The following CELF4 variants were observed in gnomAD, a reference collection of about 807,000 sequenced individuals.
The protein encoded by CELF4 is CUGBP Elav-like family member 4.
In CELF4, 18 loss-of-function variants were observed where a neutral mutation model predicts 59.9. That is an observed-to-expected ratio of 0.30 (90% CI 0.21 to 0.45). The LOEUF is 0.45. Ranked by LOEUF, CELF4 falls within the 20% of genes least tolerant of loss-of-function variation. The pLI is 1.00. For missense variants in CELF4, 456 were observed against 689.0 expected (o/e 0.66, Z 3.79); for synonymous variants, 261 against 267.1 (o/e 0.98, Z 0.22).
intron 1 of CELF4, among the ~76,000 whole-genome samples, chr18:37,522,658 GTTGT>G (rs1478713560): frequency 6.6e-6 from 1 of 152,176 alleles, no homozygotes; most frequent in Non-Finnish European, 1.5e-5. Flanking sequence ...TGGGTGCAGG[GTTGT>G]TTGTTTGAGA....
chr18:37,479,367 T>G (rs1300136395), intron 2 of CELF4, among the ~76,000 whole-genome samples: 1 of 152,228 alleles, frequency 6.6e-6, no homozygotes, highest in Non-Finnish European at 1.5e-5. Context: ...ATGGGGTTTC[T>G]CTACCTTGGC....
At chr18:37,463,986 CCACCCG>C (rs1280069600) in intron 2 of CELF4, among the ~76,000 whole-genome samples, 1 of 152,138 alleles carries the variant, frequency 6.6e-6, no homozygotes, top group African/African-American at 2.4e-5. Context: ...ACCACACCTG[CCACCCG>C]CAGACTCCCA....
At chr18:37,481,829 T>C (rs2099868118) in intron 2 of CELF4, among the ~76,000 whole-genome samples, 1 of 152,256 alleles carries the variant, frequency 6.6e-6, no homozygotes, top group Non-Finnish European at 1.5e-5. Flanking sequence ...GAGGCAGGTA[T>C]CCTGAGCTTT....
intron 2 of CELF4, among the ~76,000 whole-genome samples, chr18:37,476,662 C>CCA (rs1197578207): frequency 3.9e-5 from 6 of 152,214 alleles, no homozygotes; most frequent in African/African-American, 1.4e-4. Flanking sequence ...TTCTGCTCGC[C>CCA]CACACACATG....
intron 8 of CELF4, among the ~76,000 whole-genome samples, chr18:37,270,375 C>T (rs1310660654): frequency 6.6e-6 from 1 of 152,232 alleles, no homozygotes; most frequent in Non-Finnish European, 1.5e-5. Context: ...AGAGTCTTTT[C>T]CTACTTAACA....
chr18:37,338,541 G>T (rs538351540), intron 2 of CELF4, among the ~76,000 whole-genome samples: 11 of 152,170 alleles, frequency 7.2e-5, no homozygotes, highest in South Asian at 2.1e-4. Context: ...GTGGCGGGGG[G>T]GCTGTTCTGG....
chr18:37,479,409 G>T (rs1177460261), intron 2 of CELF4, among the ~76,000 whole-genome samples: 1 of 152,186 alleles, frequency 6.6e-6, no homozygotes, highest in Non-Finnish European at 1.5e-5. Context: ...ATGATGTTTT[G>T]CTGTGGGACT....
At chr18:37,450,854 C>T (rs1435494964) in intron 2 of CELF4, among the ~76,000 whole-genome samples, 1 of 152,136 alleles carries the variant, frequency 6.6e-6, no homozygotes, top group Non-Finnish European at 1.5e-5. Flanking sequence ...CAACACATTC[C>T]TCTGTCACTA....
At chr18:37,452,922 A>T (rs539209717) in intron 2 of CELF4, among the ~76,000 whole-genome samples, 3 of 152,230 alleles carry the variant, frequency 2.0e-5, no homozygotes, top group African/African-American at 7.2e-5. Context: ...AAGGGAGTTG[A>T]AACTCAGGGC....
rs114456224 is a variant in CELF4 at position 37,491,942 on chromosome 18, G to A, written c.287-6335C>T. Among the ~76,000 whole-genome samples the A allele has an allele frequency of 4.5e-3, 684 of 152,344 alleles. 5 individuals carry two copies. Among genetic ancestry groups the A allele is most frequent in the African/African-American group, 0.016 (653 of 41,584 alleles). On this transcript the variant is annotated intron_variant, in intron 1 of 12. Transcript: ENST00000420428. Reference sequence around the variant, plus strand: ...TAAAAGGCCCTTGTCATTGTGAAGTGAAGGAAGTACAATTTCCTGCCCAAC... The same window carrying A: ...TAAAAGGCCCTTGTCATTGTGAAGTAAAGGAAGTACAATTTCCTGCCCAAC...
rs532576165 is a variant in CELF4 at position 37,511,484 on chromosome 18, C to T, written c.287-25877G>A. 3.9e-5 allele frequency among the ~76,000 whole-genome samples: 6 copies of T among 152,118 alleles called. No individual in the cohort carries two copies. The East Asian group carries it at 9.7e-4, about 25-fold the overall frequency. On this transcript the variant is annotated intron_variant, in intron 1 of 12. Transcript: ENST00000420428. ...TCCCTCAGGACTTGAATCCTAGTCT[C>T]GCTCACCCACATTTCACTCTCCCTT...
chr18:37,280,636 C>A (rs946635684), intron 3 of CELF4, among the ~76,000 whole-genome samples: 2 of 152,186 alleles, frequency 1.3e-5, no homozygotes, highest in Non-Finnish European at 2.9e-5. Flanking sequence ...GTGCATGGGA[C>A]ATATGCAGGG....
intron 1 of CELF4, among the ~76,000 whole-genome samples, chr18:37,499,457 C>T (rs1325279427): frequency 6.6e-6 from 1 of 152,194 alleles, no homozygotes; most frequent in Non-Finnish European, 1.5e-5. Flanking sequence ...AGGAGCAGAA[C>T]AGGGTCCTGG....
chr18:37,514,401 C>T (rs1194379669), intron 1 of CELF4, among the ~76,000 whole-genome samples: 1 of 152,186 alleles, frequency 6.6e-6, no homozygotes, highest in African/African-American at 2.4e-5. Flanking sequence ...TAGTATGGCA[C>T]ATCACCAGCA....
At chr18:37,251,515 C>T (rs1448588769) in intron 12 of CELF4, among the ~76,000 whole-genome samples, 1 of 152,176 alleles carries the variant, frequency 6.6e-6, no homozygotes, top group African/African-American at 2.4e-5. Context: ...CTTGGAATCT[C>T]GGGACATGAC....
intron 8 of CELF4, 24 bp downstream of exon 8, chr18:37,270,744 A>C: frequency 6.2e-7 from 1 of 1,613,592 alleles, no homozygotes; most frequent in Non-Finnish European, 8.5e-7. Flanking sequence ...GCATACGGAA[A>C]TAAGTGCTGA....
intron 2 of CELF4, among the ~76,000 whole-genome samples, chr18:37,478,242 G>T (rs748044923): frequency 1.3e-5 from 2 of 152,206 alleles, no homozygotes; most frequent in African/African-American, 2.4e-5. Context: ...TCTAGATGGT[G>T]TGTCCAGGGA....
chr18:37,557,340 G>A (rs1464179536), intron 1 of CELF4, among the ~76,000 whole-genome samples: 4 of 152,174 alleles, frequency 2.6e-5, no homozygotes, highest in Non-Finnish European at 5.9e-5. Context: ...TGTAATTTTA[G>A]GAACAGCTGC....
At chr18:37,263,035 C>G (rs1030795707) in intron 10 of CELF4, among the ~76,000 whole-genome samples, 1 of 152,138 alleles carries the variant, frequency 6.6e-6, no homozygotes, top group Non-Finnish European at 1.5e-5. Context: ...ATGCCTCATG[C>G]ACAGCCTTGG....
Sources: gnomAD v4.1 joint callset for allele counts (sites outside exome capture counted in the v4.1 genomes callset) on GRCh38, gnomAD v4.1.1 for gene constraint, MANE v1.5 for transcripts, NCBI Gene and HGNC (gene_info 2026-07-23, HGNC 2026-07-21) for gene names.